The following MGA variants were observed in gnomAD, a reference collection of about 807,000 sequenced individuals.
The protein encoded by MGA is MAX gene-associated protein.
Under a neutral mutation model 261.1 loss-of-function variants are expected in MGA, and 40 were observed. The ratio of observed to expected loss-of-function variants is 0.15; its 90% CI spans 0.12 to 0.20. The LOEUF is 0.20. MGA is among the 10% of genes least tolerant of loss of function. The pLI is 1.00. For synonymous variants in MGA, 1,302 were observed against 1,290.6 expected, an observed-to-expected ratio of 1.01 and a Z score of -0.19; for missense variants, 3,397 against 3,630.5, an observed-to-expected ratio of 0.94 and a Z score of 1.65.
At chr15:41,710,340 A>G (rs1312995430) in intron 7 of MGA, among the ~76,000 whole-genome samples, 6 of 152,202 alleles carry the variant, frequency 3.9e-5, no homozygotes, top group Non-Finnish European at 8.8e-5. Flanking sequence ...TTTTAATGTC[A>G]TTAATATCTG....
intron 1 of MGA, 128 bp from the exon 2 acceptor site, chr15:41,668,700 A>T (rs2150943614): frequency 2.3e-6 from 1 of 439,102 alleles, no homozygotes; most frequent in Middle Eastern, 6.1e-4. Context: ...CTTAGAAGCA[A>T]AGTCTTAGAA....
At chr15:41,644,165 C>T (rs1173252856) in intron 1 of MGA, among the ~76,000 whole-genome samples, 1 of 151,882 alleles carries the variant, frequency 6.6e-6, no homozygotes, top group African/African-American at 2.4e-5. Context: ...TAAGACATTT[C>T]TTCATACTTT....
chr15:41,669,131 C>G lies in MGA; in HGVS notation c.237C>G (p.Leu79=), dbSNP rs373466530. 6 of 1,612,920 alleles carry G rather than the reference C, an allele frequency of 3.7e-6. No individual in the cohort carries two copies. Among genetic ancestry groups the G allele is most frequent in the African/African-American group, 1.3e-5 (1 of 75,010 alleles). ...CTGTGGGTGGAATCACTGTTACCCTCGATAACAATAGTATGTGGAATGAGT... is the reference window on the plus strand; with the variant it reads ...CTGTGGGTGGAATCACTGTTACCCTGGATAACAATAGTATGTGGAATGAGT... The change falls in exon 2 of 24, where the codon CTC becomes CTG. Residue 79 remains leucine (L), a synonymous_variant. Transcript: ENST00000219905.
intron 9 of MGA, 88 bp downstream of exon 9, chr15:41,713,584 C>T (rs973116958): frequency 2.2e-5 from 31 of 1,379,574 alleles, no homozygotes; most frequent in African/African-American, 1.6e-4. Flanking sequence ...ACCTTAATCC[C>T]GATCAATTAT....
chr15:41,736,158 T>A, intron 12 of MGA, 23 bp from the exon 13 acceptor site: 1 of 1,471,002 alleles, frequency 6.8e-7, no homozygotes, highest in Non-Finnish European at 9.0e-7. Flanking sequence ...AACTTTTTCT[T>A]TTTTATTATT....
chr15:41,675,356 T>C (rs961448636), intron 2 of MGA, among the ~76,000 whole-genome samples: 1 of 152,156 alleles, frequency 6.6e-6, no homozygotes, highest in African/African-American at 2.4e-5. Flanking sequence ...TTAGAGGCTA[T>C]TGCTGCTTTT....
intron 9 of MGA, among the ~76,000 whole-genome samples, chr15:41,725,018 G>C (rs907427520): frequency 1.3e-5 from 2 of 152,220 alleles, no homozygotes; most frequent in African/African-American, 2.4e-5. Flanking sequence ...AATTAAGTAT[G>C]AATGCCACTC....
chr15:41,695,396 C>G (rs1358774597), intron 2 of MGA, among the ~76,000 whole-genome samples: 2 of 151,998 alleles, frequency 1.3e-5, no homozygotes, highest in African/African-American at 4.8e-5. Flanking sequence ...ACCATGTTGG[C>G]CAGAATGGTC....
intron 2 of MGA, among the ~76,000 whole-genome samples, chr15:41,670,417 G>A (rs772726119): frequency 1.3e-5 from 2 of 152,166 alleles, no homozygotes; most frequent in African/African-American, 2.4e-5. Flanking sequence ...AAGTAGAATG[G>A]TGGATGCCAG....
intron 1 of MGA, among the ~76,000 whole-genome samples, chr15:41,632,592 G>A (rs1304199879): frequency 1.3e-5 from 2 of 152,100 alleles, no homozygotes; most frequent in Non-Finnish European, 2.9e-5. Flanking sequence ...TCAGACCTTG[G>A]CAAGCCAACA....
At position 41,715,148 on chromosome 15, in the gene MGA, T is replaced by C. The variant is rs59230489; in HGVS notation, c.3430+1652T>C. ...TTTATGGTTTCTGTCTTTTTTTTTT[T>C]TTTTCTTTTTTCTTTTTTTGAGACA... is the stretch of plus-strand genomic sequence containing the variant. On this transcript the variant is annotated intron_variant, in intron 9 of 23. Transcript: ENST00000219905. Among the ~76,000 whole-genome samples the C allele has an allele frequency of 4.5e-3, 671 of 148,894 alleles. 4 individuals carry two copies. Among genetic ancestry groups the C allele is most frequent in the African/African-American group, 0.016 (646 of 40,948 alleles).
chr15:41,627,372 C>T (rs1221815208), intron 1 of MGA, among the ~76,000 whole-genome samples: 1 of 152,104 alleles, frequency 6.6e-6, no homozygotes, highest in African/African-American at 2.4e-5. Context: ...ATGATAGTTT[C>T]TCACACTTTC....
Position 41,736,436 on chromosome 15 carries a change from A to G in MGA, c.4172A>G (p.Tyr1391Cys), listed in dbSNP as rs1002448682. The change falls in exon 13 of 24, where the codon TAT becomes TGT. Residue 1391 changes from tyrosine to cysteine, a missense_variant. By Grantham distance (194) the Tyr-to-Cys change is radical. Coordinates refer to ENST00000219905, the MANE Select transcript of MGA (RefSeq NM_001164273.2). ...CGGGGTGAGAAGAACCCTCCTGTTT[A>G]TTCTTCTCGTGTGAAAATCTCTATG... 2 of 1,614,034 alleles carry G rather than the reference A, an allele frequency of 1.2e-6. No individual in the cohort carries two copies. The highest frequency in any genetic ancestry group is 1.3e-5 in the African/African-American group (1 of 75,058).
At position 41,705,718 on chromosome 15, in the gene MGA, A is replaced by T. The variant is rs191221233; in HGVS notation, c.2189-2010A>T. Among the ~76,000 whole-genome samples the T allele has an allele frequency of 1.6e-4, 24 of 152,320 alleles. No individual in the cohort carries two copies. The East Asian group carries it at 2.7e-3, about 17-fold the overall frequency. On this transcript the variant is annotated intron_variant, in intron 5 of 23. Transcript: ENST00000219905. ...CTGCTTTACAGAGAAAGTGCAGTAGATTCTCAAAGCATACAACTGAATGTG... is the reference window on the plus strand; with the variant it reads ...CTGCTTTACAGAGAAAGTGCAGTAGTTTCTCAAAGCATACAACTGAATGTG...
chr15:41,735,140 T>C (rs2061702121), intron 12 of MGA, among the ~76,000 whole-genome samples: 1 of 152,146 alleles, frequency 6.6e-6, no homozygotes, highest in African/African-American at 2.4e-5. Context: ...TAATTAACAA[T>C]GTTTCTATAG....
At chr15:41,754,771 G>C (rs977061409) in intron 18 of MGA, among the ~76,000 whole-genome samples, 1 of 152,080 alleles carries the variant, frequency 6.6e-6, no homozygotes, top group Non-Finnish European at 1.5e-5. Context: ...GTGTAAATGT[G>C]AATAACATGC....
chr15:41,700,335 C>T (rs1356487552), intron 5 of MGA, among the ~76,000 whole-genome samples: 3 of 152,064 alleles, frequency 2.0e-5, no homozygotes, highest in Non-Finnish European at 4.4e-5. Flanking sequence ...CGTGAGCCAC[C>T]GCGCCCGGCC....
intron 7 of MGA, among the ~76,000 whole-genome samples, chr15:41,709,612 G>A (rs1346087799): frequency 6.6e-6 from 1 of 151,470 alleles, no homozygotes; most frequent in East Asian, 2.0e-4. Context: ...GCCTGGCTAA[G>A]TTTTTGTAGA....
intron 8 of MGA, among the ~76,000 whole-genome samples, chr15:41,712,127 A>G (rs981744638): frequency 1.3e-5 from 2 of 152,158 alleles, no homozygotes; most frequent in Middle Eastern, 3.2e-3. Flanking sequence ...TTTATATTTT[A>G]GAAGTTTTAT....
Sources: gnomAD v4.1 joint callset for allele counts (sites outside exome capture counted in the v4.1 genomes callset) on GRCh38, gnomAD v4.1.1 for gene constraint, MANE v1.5 for transcripts, NCBI Gene and HGNC (gene_info 2026-07-23, HGNC 2026-07-21) for gene names.